ZNF888: variants seen among roughly 807,000 people sequenced by gnomAD.
The protein encoded by ZNF888 is CTD-2331H12.6.
In ZNF888, 5 loss-of-function variants were observed where a neutral mutation model predicts 7.2. The ratio of observed to expected loss-of-function variants is 0.70; its 90% CI spans 0.36 to 1.46. The LOEUF is 1.46. Among genes scored for constraint, ZNF888 ranks in the 40% most tolerant of loss-of-function variants. The probability of loss-of-function intolerance (pLI) is 0.03; values close to 1 mark genes in which losing one functional copy is unlikely to be tolerated. For missense variants in ZNF888, 716 were observed against 858.0 expected (o/e 0.83, Z 2.07); for synonymous variants, 240 against 284.3 (o/e 0.84, Z 1.57).
At position 52,907,680 on chromosome 19, in the gene ZNF888, G is replaced by C; in HGVS notation, c.642C>G (p.Phe214Leu). The C allele has an allele frequency of 6.2e-7, 1 of 1,606,704 alleles. No individual in the cohort carries two copies. Residue 214 changes from phenylalanine (F) to leucine (L), a missense_variant, in exon 5 of 5, where the codon TTC becomes TTG. Around this residue, in one of 2 missense-constraint regions of ZNF888, gnomAD observed 697 missense variants for 803.4 expected, o/e 0.87. Transcript: ENST00000638862. ...KQDVHRKEKS[F>L]QFNESGKSFN... The stretch of plus-strand genomic sequence containing the variant: ...AGGATTTGCCACTCTCATTAAATTG[G>C]AAAGATTTTTCTTTCCTGTGTACAT...
chr19:52,908,196 C>G lies in ZNF888; in HGVS notation c.143-17G>C. 6.2e-7 allele frequency: 1 copy of G among 1,608,282 alleles called. No homozygotes were observed. On this transcript the variant is annotated splice_polypyrimidine_tract_variant and intron_variant, in intron 4 of 4. Coordinates refer to ENST00000638862, the MANE Select transcript of ZNF888 (RefSeq NM_001393938.1). ...AAGAGATATCTACAAAATATAAACG[C>G]CAATAGTTTTCCAATTCAGTACAGA...
intron 4 of ZNF888, among the ~76,000 whole-genome samples, chr19:52,913,996 G>C (rs1263032253): frequency 6.6e-6 from 1 of 152,232 alleles, no homozygotes; most frequent in African/African-American, 2.4e-5. Context: ...ATGGTGGTGA[G>C]AGCCTGCAGT....
In ZNF888 at chr19:52,906,361, C is replaced by T. The variant is rs1162851589; in HGVS notation, c.1961G>A (p.Arg654Lys). The T allele has an allele frequency of 1.2e-6, 2 of 1,613,294 alleles. No homozygotes were observed. The highest frequency in any genetic ancestry group is 4.5e-5 in the East Asian group (2 of 44,800). The change falls in exon 5 of 5, where the codon AGA becomes AAA. Residue 654 changes from arginine (R) to lysine (K), a missense_variant. By Grantham distance (26) the Arg-to-Lys change is conservative. This residue lies in a region of ZNF888 where 697 missense variants were observed against 803.4 expected (regional missense o/e 0.87). Transcript: ENST00000638862. ...GRDSYLAQHQ[R>K]VHTGEKPYKC... ...GTATGGTTTCTCTCCAGTGTGAACT[C>T]TCTGATGTTGTGCAAGGTATGAATC...
At chr19:52,912,318 T>TGA (rs2064693584) in intron 4 of ZNF888, among the ~76,000 whole-genome samples, 1 of 149,100 alleles carries the variant, frequency 6.7e-6, no homozygotes. Flanking sequence ...TTTCACCATG[T>TGA]TAGCCAGGAT....
chr19:52,909,014 G>A (rs554618735), intron 4 of ZNF888, among the ~76,000 whole-genome samples: 85 of 150,846 alleles, frequency 5.6e-4, no homozygotes, highest in African/African-American at 1.9e-3. Flanking sequence ...GCGTGGTCGC[G>A]GGAGCCTGTA....
intron 4 of ZNF888, among the ~76,000 whole-genome samples, chr19:52,912,561 TAA>T (rs1176685168): frequency 5.2e-5 from 6 of 114,884 alleles, no homozygotes; most frequent in African/African-American, 6.5e-5. Context: ...CCATCTCTAC[TAA>T]AAAAAAAAAA....
In ZNF888 at chr19:52,907,781, A is replaced by C. The variant is rs2064629139; in HGVS notation, c.541T>G (p.Cys181Gly). 8.1e-6 allele frequency: 13 copies of C among 1,614,046 alleles called. No individual in the cohort carries two copies. Among genetic ancestry groups the C allele is most frequent in the Non-Finnish European group, 1.1e-5 (13 of 1,180,038 alleles). Residue 181 changes from cysteine (C) to glycine (G), a missense_variant, in exon 5 of 5, where the codon TGT (cysteine) becomes GGT (glycine). By Grantham distance (159) the Cys-to-Gly change is radical. Transcript: ENST00000638862. The part of the protein sequence containing the change: ...SSVSTSQRIS[C>G]RPKTHISNNY... ...TTAGAAATATGGGTTTTGGGCCTAC[A>C]AGAAATTCTTTGGGATGTTGAAACT...
chr19:52,908,174 A>C lies in ZNF888; in HGVS notation c.148T>G (p.Ser50Ala). 6.2e-7 allele frequency: 1 copy of C among 1,613,898 alleles called. No homozygotes were observed. Among genetic ancestry groups the C allele is most frequent in the Non-Finnish European group, 8.5e-7 (1 of 1,179,848 alleles). Residue 50 changes from serine to alanine, a missense_variant, in exon 5 of 5, where the codon TCT (serine) becomes GCT (alanine). By Grantham distance (99) the Ser-to-Ala change is moderately conservative (BLOSUM62 1). This residue lies in a region of ZNF888 where 697 missense variants were observed against 803.4 expected (regional missense o/e 0.87). Coordinates refer to ENST00000638862, the MANE Select transcript of ZNF888 (RefSeq NM_001393938.1). ...GAGAACTCCATCATGCATTTGGAAG[A>C]GATATCTACAAAATATAAACGCCAA... ...NYRNLVSLDI[S>A]SKCMMEFSSI...
intron 4 of ZNF888, among the ~76,000 whole-genome samples, chr19:52,910,474 A>C (rs2064665674): frequency 6.6e-6 from 1 of 152,088 alleles, no homozygotes; most frequent in Admixed American, 6.6e-5. Flanking sequence ...ACATCTCAAA[A>C]AAATAAGATA....
chr19:52,914,412 C>T (rs894983517), intron 4 of ZNF888: 1 of 946,104 alleles, frequency 1.1e-6, no homozygotes, highest in East Asian at 1.2e-4. Flanking sequence ...GAGACTCCTA[C>T]TTATAAAAAG....
Position 52,907,709 on chromosome 19 carries a change from G to GT in ZNF888, c.612dup (p.Gln205ThrfsTer13), listed in dbSNP as rs2064628072. 6.2e-7 allele frequency: 1 copy of GT among 1,612,548 alleles called. No homozygotes were observed. Among genetic ancestry groups the GT allele is most frequent in the East Asian group, 2.2e-5 (1 of 44,864 alleles). On this transcript the variant is annotated frameshift_variant, in exon 5 of 5. Transcript: ENST00000638862. LOFTEE classifies it low-confidence loss of function (END_TRUNC). ...GATTTTTCTTTCCTGTGTACATCCT[G>GT]TTTCTGTGTGAGTAATGAAGAATGG...
intron 4 of ZNF888, among the ~76,000 whole-genome samples, chr19:52,912,385 T>A (rs1244679541): frequency 6.6e-6 from 1 of 150,964 alleles, no homozygotes; most frequent in African/African-American, 2.4e-5. Context: ...AGTGCTGGGA[T>A]TACAGGCATG....
intron 4 of ZNF888, chr19:52,913,695 C>T: frequency 1.0e-6 from 1 of 980,330 alleles, no homozygotes; most frequent in Non-Finnish European, 1.2e-6. Context: ...CAACAATAAC[C>T]TCTGCCCATA....
chr19:52,920,517 G>GGAAAAAAAAAAA (rs2064813371), intron 1 of ZNF888, among the ~76,000 whole-genome samples: 4 of 17,400 alleles, frequency 2.3e-4, no homozygotes, highest in Admixed American at 1.0e-3. Flanking sequence ...AAAAAAAAAA[G>GGAAAAAAAAAAA]AAAAAAAAAG....
chr19:52,911,415 T>C (rs572904104), intron 4 of ZNF888, among the ~76,000 whole-genome samples: 44 of 151,716 alleles, frequency 2.9e-4, no homozygotes, highest in Non-Finnish European at 5.4e-4. Flanking sequence ...CTCAGCTCAC[T>C]GCAACCTCCA....
At chr19:52,912,373 A>T (rs888796757) in intron 4 of ZNF888, among the ~76,000 whole-genome samples, 11 of 150,330 alleles carry the variant, frequency 7.3e-5, no homozygotes, top group African/African-American at 1.9e-4. Flanking sequence ...TCGGCCTCCC[A>T]AAGTGCTGGG....
chr19:52,909,516 G>A (rs1223407587), intron 4 of ZNF888, among the ~76,000 whole-genome samples: 2 of 151,852 alleles, frequency 1.3e-5, no homozygotes, highest in Non-Finnish European at 2.9e-5. Context: ...CTAAATCCTG[G>A]GATTACAGGC....
At position 52,917,899 on chromosome 19, in the gene ZNF888, C is replaced by G. The variant is rs1371476398; in HGVS notation, c.-26G>C. The G allele has an allele frequency of 5.6e-6, 9 of 1,611,602 alleles. No individual in the cohort carries two copies. Among genetic ancestry groups the G allele is most frequent in the Non-Finnish European group, 7.6e-6 (9 of 1,180,004 alleles). ...CCCTGACTCCTTTGCTTTCCTCTTC[C>G]TCTTCTGAGTTTCTTCTTCACATAC... On this transcript the variant is annotated 5_prime_UTR_variant, in exon 3 of 5. Transcript: ENST00000638862.
At chr19:52,923,016 C>T (rs2064840252) in intron 1 of ZNF888, among the ~76,000 whole-genome samples, 1 of 152,136 alleles carries the variant, frequency 6.6e-6, no homozygotes, top group East Asian at 1.9e-4. Context: ...CGCTGGGCTC[C>T]AGGGGCCGAC....
Sources: gnomAD v4.1 joint callset for allele counts (sites outside exome capture counted in the v4.1 genomes callset) on GRCh38, gnomAD v4.1.1 for gene constraint, gnomAD v4.1.1 regional missense constraint, MANE v1.5 for transcripts, NCBI Gene and HGNC (gene_info 2026-07-23, HGNC 2026-07-21) for gene names.